HTT: variants seen among roughly 807,000 people sequenced by gnomAD.
HTT encodes huntingtin.
In HTT, 104 loss-of-function variants were observed where a neutral mutation model predicts 362.3. That is an observed-to-expected ratio of 0.29 (90% confidence interval 0.24 to 0.34). The LOEUF (loss-of-function observed/expected upper bound fraction) is 0.34, where lower values mean the gene tolerates loss of function less well. Ranked by LOEUF, HTT falls within the 10% of genes least tolerant of loss-of-function variation. The pLI, the probability that HTT is intolerant of heterozygous loss-of-function variation, is 1.00. For missense variants in HTT, 3,301 were observed against 3,928.6 expected (o/e 0.84, Z 4.27); for synonymous variants, 1,577 against 1,548.7 (o/e 1.02, Z -0.43).
chr4:3,192,353 T>C (rs1482468176), intron 40 of HTT, among the ~76,000 whole-genome samples: 1 of 152,194 alleles, frequency 6.6e-6, no homozygotes, highest in Non-Finnish European at 1.5e-5. Context: ...GCTGAGGTTA[T>C]AGGTGTCACC....
At chr4:3,172,003 G>T (rs752851351) in intron 29 of HTT, among the ~76,000 whole-genome samples, 10 of 152,154 alleles carry the variant, frequency 6.6e-5, no homozygotes, top group Non-Finnish European at 1.3e-4. Flanking sequence ...TAGCTGCTTT[G>T]CACACTTCTG....
intron 37 of HTT, among the ~76,000 whole-genome samples, chr4:3,183,822 G>T (rs1054548365): frequency 6.6e-6 from 1 of 152,214 alleles, no homozygotes; most frequent in African/African-American, 2.4e-5. Context: ...TGGAAATTGT[G>T]TGATACAACA....
chr4:3,129,817 G>C, intron 12 of HTT, 107 bp from the exon 13 acceptor site: 2 of 1,311,910 alleles, frequency 1.5e-6, no homozygotes, highest in Non-Finnish European at 2.2e-6. Context: ...GTACATTTGT[G>C]TTCTGTGTGT....
chr4:3,125,661 C>T (rs757179032), intron 11 of HTT, 32 bp downstream of exon 11: 2 of 1,462,252 alleles, frequency 1.4e-6, no homozygotes, highest in East Asian at 2.3e-5. Flanking sequence ...CTGGTGTGGA[C>T]CTTCACTGTC....
intron 60 of HTT, among the ~76,000 whole-genome samples, chr4:3,232,486 G>A (rs1462827320): frequency 6.6e-6 from 1 of 152,212 alleles, no homozygotes; most frequent in Non-Finnish European, 1.5e-5. Flanking sequence ...TGTTTAGGTC[G>A]ATATTTAACC....
Position 3,189,104 on chromosome 4 carries a change from C to T in HTT, c.5368+11C>T. The T allele has an allele frequency of 6.2e-7, 1 of 1,613,478 alleles. No homozygotes were observed. Among genetic ancestry groups the T allele is most frequent in the Non-Finnish European group, 8.5e-7 (1 of 1,179,482 alleles). ...ACATCTTCAAGTCTGGTAGGTGAATCACATTAGTCTTCCTGGAGTGTCTCG... is the reference window on the plus strand; with the variant it reads ...ACATCTTCAAGTCTGGTAGGTGAATTACATTAGTCTTCCTGGAGTGTCTCG... On this transcript the variant is annotated intron_variant, in intron 40 of 66. Coordinates refer to ENST00000355072, the MANE Select transcript of HTT (RefSeq NM_001388492.1).
rs190821666 is a variant in HTT at position 3,158,375 on chromosome 4, T to C, written c.3753+1176T>C. On this transcript the variant is annotated intron_variant, in intron 28 of 66. Coordinates refer to ENST00000355072, the MANE Select transcript of HTT (RefSeq NM_001388492.1). ...TTAGAATTTTCTGGATATTCTTCTT[T>C]ATTGATTTTGGGATGTGAACAATAG... Among the ~76,000 whole-genome samples, 244 of 152,348 alleles carry C rather than the reference T, an allele frequency of 1.6e-3. 1 individual carries two copies. The highest frequency in any genetic ancestry group is 5.5e-3 in the African/African-American group (230 of 41,584).
At chr4:3,091,404 A>G (rs1713500849) in intron 2 of HTT, among the ~76,000 whole-genome samples, 1 of 152,256 alleles carries the variant, frequency 6.6e-6, no homozygotes, top group Admixed American at 6.5e-5. Context: ...TTCTTTAAAA[A>G]ATGTAATCTT....
intron 35 of HTT, 80 bp from the exon 36 acceptor site, chr4:3,180,435 C>A: frequency 7.8e-7 from 1 of 1,290,060 alleles, no homozygotes. Flanking sequence ...TTCTTGAAAG[C>A]ATTTTGTAGA....
intron 12 of HTT, chr4:3,129,201 A>G (rs1715675121): frequency 1.3e-5 from 2 of 152,228 alleles, no homozygotes; most frequent in African/African-American, 2.4e-5. Context: ...ATTGTGAATC[A>G]TGCTGTTATG....
intron 1 of HTT, among the ~76,000 whole-genome samples, chr4:3,085,253 G>T (rs1016243262): frequency 6.6e-6 from 1 of 151,586 alleles, no homozygotes; most frequent in African/African-American, 2.4e-5. Flanking sequence ...TTCTTCTGCC[G>T]CAGCCTCCCG....
rs944857374 is a variant in HTT at position 3,116,186 on chromosome 4, G to A, written c.991G>A (p.Asp331Asn). 3.1e-6 allele frequency: 5 copies of A among 1,613,972 alleles called. No individual in the cohort carries two copies. The highest frequency in any genetic ancestry group is 4.2e-6 in the Non-Finnish European group (5 of 1,179,984). The change falls in exon 8 of 67, where the codon GAC becomes AAC. Residue 331 changes from aspartate to asparagine, a missense_variant. By Grantham distance (23) the Asp-to-Asn change is conservative. This residue lies in a region of HTT where 2,316 missense variants were observed against 2,658.5 expected (regional missense o/e 0.87). Coordinates refer to ENST00000355072, the MANE Select transcript of HTT (RefSeq NM_001388492.1). ...LVPLLQQQVK[D>N]TSLKGSFGVT... The stretch of plus-strand genomic sequence containing the variant: ...GCCCTTGCTGCAGCAGCAGGTCAAG[G>A]ACACAAGCCTGAAAGGCAGCTTCGG...
In HTT at chr4:3,189,062, G is replaced by T; in HGVS notation, c.5337G>T (p.Leu1779=). The T allele has an allele frequency of 1.2e-6, 2 of 1,614,114 alleles. No homozygotes were observed. The highest frequency in any genetic ancestry group is 1.7e-6 in the Non-Finnish European group (2 of 1,179,946). ...TCTATTGCCAGGAACTAGGCACACT[G>T]CTAATGTGTCTGATCCACATCTTCA... ...HTFYCQELGT[L]LMCLIHIFKS... Residue 1779 remains leucine (L), a synonymous_variant, in exon 40 of 67, where the codon CTG becomes CTT. Transcript: ENST00000355072.
intron 29 of HTT, among the ~76,000 whole-genome samples, chr4:3,166,409 G>A (rs996640046): frequency 1.9e-4 from 29 of 152,308 alleles, no homozygotes; most frequent in African/African-American, 6.5e-4. Flanking sequence ...GTTCATTATC[G>A]GAGCTTGAAT....
At chr4:3,184,830 G>A (rs373195140) in intron 37 of HTT, among the ~76,000 whole-genome samples, 9 of 152,194 alleles carry the variant, frequency 5.9e-5, no homozygotes, top group African/African-American at 2.2e-4. Context: ...GAGAGGAGGA[G>A]GAGCTTGAAT....
chr4:3,108,301 T>C (rs1714542821), intron 6 of HTT, among the ~76,000 whole-genome samples: 1 of 152,250 alleles, frequency 6.6e-6, no homozygotes, highest in Non-Finnish European at 1.5e-5. Flanking sequence ...AGTTTTCTTG[T>C]TAATACTAAG....
chr4:3,239,846 C>A lies in HTT; in HGVS notation c.9216C>A (p.Ile3072=), dbSNP rs563636870. ...CCTTTTTCCTTAACTCCTGCACCAG[C>A]CTCCCACATGTCATCAGCAGGATGG... ...SASTSPWVAA[I]LPHVISRMGK... is the part of the protein sequence containing the mutation. The change falls in exon 67 of 67, where the codon ATC becomes ATA. Residue 3072 remains isoleucine, a splice_region_variant and synonymous_variant. Coordinates refer to ENST00000355072, the MANE Select transcript of HTT (RefSeq NM_001388492.1). 2 of 1,554,534 alleles carry A rather than the reference C, an allele frequency of 1.3e-6. No individual in the cohort carries two copies. The highest frequency in any genetic ancestry group is 3.9e-5 in the Admixed American group (2 of 51,270).
In HTT at chr4:3,100,745, A is replaced by C. The variant is rs1012795122; in HGVS notation, c.468+1351A>C. Among the ~76,000 whole-genome samples, 6 of 152,166 alleles carry C rather than the reference A, an allele frequency of 3.9e-5. No individual in the cohort carries two copies. The East Asian group carries it at 7.7e-4, about 20-fold the overall frequency. The stretch of plus-strand genomic sequence containing the variant: ...CAGGACCAGGGCGGTCTGTCTTTGC[A>C]TGAGACAGGGTCTCGCTCAGTCACC... On this transcript the variant is annotated intron_variant, in intron 3 of 66. Coordinates refer to ENST00000355072, the MANE Select transcript of HTT (RefSeq NM_001388492.1).
chr4:3,099,630 C>CTG lies in HTT; in HGVS notation c.468+237_468+238insGT, dbSNP rs780007586. Among the ~76,000 whole-genome samples, 192 of 67,872 alleles carry CTG rather than the reference C, an allele frequency of 2.8e-3. 2 individuals carry two copies. Among genetic ancestry groups the CTG allele is most frequent in the Admixed American group, 5.0e-3 (34 of 6,746 alleles). 44.5% of individuals were successfully genotyped at this position (67,872 alleles called of 152,430 possible). A position where few individuals can be genotyped will look rare whatever the true frequency, so the allele number is the denominator to read the frequency against. ...CTCTGTTGTATGGTTTGGAGGTGCT[C>CTG]TTGTATGGTTTGGAGGTGCTCTTGT... is the stretch of plus-strand genomic sequence containing the variant. On this transcript the variant is annotated intron_variant, in intron 3 of 66. Transcript: ENST00000355072.
Sources: gnomAD v4.1 joint callset for allele counts (sites outside exome capture counted in the v4.1 genomes callset) on GRCh38, gnomAD v4.1.1 for gene constraint, gnomAD v4.1.1 regional missense constraint, MANE v1.5 for transcripts, NCBI Gene and HGNC (gene_info 2026-07-23, HGNC 2026-07-21) for gene names.